The following EIF4B variants were observed in gnomAD, a reference collection of about 807,000 sequenced individuals.
EIF4B encodes eukaryotic translation initiation factor 4B.
In EIF4B, 8 loss-of-function variants were observed where a neutral mutation model predicts 79.3. The observed-to-expected ratio is 0.10, with a 90% CI of 0.06 to 0.18. The LOEUF (loss-of-function observed/expected upper bound fraction) is 0.18, where lower values mean the gene tolerates loss of function less well. Among genes scored for constraint, EIF4B ranks in the 10% least tolerant of loss-of-function variants. The pLI, the probability that EIF4B is intolerant of heterozygous loss-of-function variation, is 1.00. For synonymous variants in EIF4B, 238 were observed against 274.7 expected (o/e 0.87, Z 1.32); for missense variants, 515 against 792.4 (o/e 0.65, Z 4.20).
chr12:53,030,568 C>T (rs888382929), intron 8 of EIF4B, among the ~76,000 whole-genome samples: 1 of 151,058 alleles, frequency 6.6e-6, no homozygotes, highest in Non-Finnish European at 1.5e-5. Context: ...CTTGCCACCA[C>T]GCCCGGCTAA....
Position 53,028,108 on chromosome 12 carries a change from A to G in EIF4B, c.899A>G (p.Asp300Gly). Reference protein sequence around the residue: ...DYRGGGDRYEDRYDRRDDRSW... With the variant: ...DYRGGGDRYEGRYDRRDDRSW... ...AGAGGAGGCGGGGACCGCTATGAAGACCGATATGACAGACGGGATGATCGG... is the reference window on the plus strand; with the variant it reads ...AGAGGAGGCGGGGACCGCTATGAAGGCCGATATGACAGACGGGATGATCGG... The change falls in exon 8 of 15, where the codon GAC (aspartate) becomes GGC (glycine). Residue 300 changes from aspartate (D) to glycine (G), a missense_variant. Asp to Gly is a moderately conservative substitution (Grantham distance 94). Around this residue, in one of 6 missense-constraint regions of EIF4B, gnomAD observed 187 missense variants for 256.5 expected, o/e 0.73. Coordinates refer to ENST00000262056, the MANE Select transcript of EIF4B (RefSeq NM_001417.7). 6.2e-7 allele frequency: 1 copy of G among 1,614,036 alleles called. No individual in the cohort carries two copies. The highest frequency in any genetic ancestry group is 8.5e-7 in the Non-Finnish European group (1 of 1,179,986).
intron 10 of EIF4B, among the ~76,000 whole-genome samples, chr12:53,036,673 TG>T (rs1184193243): frequency 1.3e-5 from 2 of 152,076 alleles, no homozygotes; most frequent in Non-Finnish European, 2.9e-5. Flanking sequence ...AGCCTCCCAA[TG>T]GGGGCTCCTT....
At chr12:53,022,156 G>A in intron 5 of EIF4B, 1 of 664,264 alleles carries the variant, frequency 1.5e-6, no homozygotes, top group Admixed American at 2.3e-5. Flanking sequence ...AGATTGAGAA[G>A]ACTGATTGAT....
intron 1 of EIF4B, chr12:53,012,149 T>C (rs1943074722): frequency 6.6e-6 from 1 of 152,194 alleles, no homozygotes; most frequent in Non-Finnish European, 1.5e-5. Context: ...GATTTTGCTT[T>C]CCAAGGGCTA....
At chr12:53,013,329 C>G (rs1428388973) in intron 1 of EIF4B, among the ~76,000 whole-genome samples, 2 of 152,230 alleles carry the variant, frequency 1.3e-5, no homozygotes, top group Non-Finnish European at 2.9e-5. Context: ...GCTGATGGTA[C>G]TAGATTAAGC....
At chr12:53,019,437 A>ATTTT (rs1337954535) in intron 3 of EIF4B, among the ~76,000 whole-genome samples, 2 of 51,002 alleles carry the variant, frequency 3.9e-5, no homozygotes, top group African/African-American at 1.3e-4. Flanking sequence ...ATATATATAT[A>ATTTT]TTTTTTTTTT....
At chr12:53,011,889 A>C (rs1437979341) in intron 1 of EIF4B, among the ~76,000 whole-genome samples, 3 of 152,226 alleles carry the variant, frequency 2.0e-5, no homozygotes, top group African/African-American at 7.2e-5. Context: ...CTTTTTAACC[A>C]GTTCACATAA....
In EIF4B at chr12:53,028,120, G is replaced by C; in HGVS notation, c.911G>C (p.Arg304Thr). Residue 304 changes from arginine to threonine, a missense_variant, in exon 8 of 15, where the codon AGA becomes ACA. Physicochemically the swap from Arg to Thr is moderately conservative, Grantham distance 71. Around this residue, in one of 6 missense-constraint regions of EIF4B, gnomAD observed 187 missense variants for 256.5 expected, o/e 0.73. Coordinates refer to ENST00000262056, the MANE Select transcript of EIF4B (RefSeq NM_001417.7). The stretch of plus-strand genomic sequence containing the variant: ...GACCGCTATGAAGACCGATATGACA[G>C]ACGGGATGATCGGTCGTGGAGCTCC... ...GGDRYEDRYD[R>T]RDDRSWSSRD... The C allele has an allele frequency of 6.2e-7, 1 of 1,614,080 alleles. No individual in the cohort carries two copies. Among genetic ancestry groups the C allele is most frequent in the Non-Finnish European group, 8.5e-7 (1 of 1,179,990 alleles).
intron 9 of EIF4B, 44 bp downstream of exon 9, chr12:53,034,078 C>A (rs1325712431): frequency 1.8e-5 from 28 of 1,548,788 alleles, no homozygotes. Flanking sequence ...TCCGGTGGTT[C>A]GTAATGGGGG....
At chr12:53,013,054 A>G (rs6580924) in intron 1 of EIF4B, among the ~76,000 whole-genome samples, 92,495 of 152,172 alleles carry the variant, frequency 0.61, 34,450 homozygotes, top group Non-Finnish European at 0.85. Flanking sequence ...AATAACGTTA[A>G]AGAAGAAACT....
intron 6 of EIF4B, among the ~76,000 whole-genome samples, chr12:53,027,014 G>A (rs901372555): frequency 1.3e-5 from 2 of 151,814 alleles, no homozygotes; most frequent in African/African-American, 4.8e-5. Flanking sequence ...TTGAGGCTGG[G>A]TGTTACGGCT....
rs775708300 is a variant in EIF4B, at chr12:53,039,658, A to C, written c.1711A>C (p.Arg571=). 5.0e-6 allele frequency: 8 copies of C among 1,613,760 alleles called. No individual in the cohort carries two copies. The highest frequency in any genetic ancestry group is 6.8e-6 in the Non-Finnish European group (8 of 1,179,846). ...RKDGKKDQDS[R]SAPEPKKPEE... ...AGATGGCAAAAAGGATCAAGACTCC[A>C]GATCTGCACCTGAGCCAAAGAAACC... The change falls in exon 14 of 15, where the codon AGA becomes CGA. Residue 571 remains arginine (R), a synonymous_variant. Transcript: ENST00000262056.
chr12:53,023,522 C>T (rs981917350), intron 6 of EIF4B, among the ~76,000 whole-genome samples: 2 of 151,674 alleles, frequency 1.3e-5, no homozygotes, highest in African/African-American at 4.8e-5. Context: ...TGAGCCACTG[C>T]GCCTGGCCCA....
chr12:53,041,439 T>G lies in EIF4B; in HGVS notation c.*1216T>G, dbSNP rs1943636180. The stretch of plus-strand genomic sequence containing the variant: ...GGATTTTTCCCCCCAAGTTTCCTTC[T>G]CCACTGAAATGCCACACTAATGCTT... On this transcript the variant is annotated 3_prime_UTR_variant, in exon 15 of 15. Coordinates refer to ENST00000262056, the MANE Select transcript of EIF4B (RefSeq NM_001417.7). 3 of 152,096 alleles carry G rather than the reference T, an allele frequency of 2.0e-5. No homozygotes were observed. Among genetic ancestry groups the G allele is most frequent in the Admixed American group, 2.0e-4 (3 of 15,264 alleles). 9.4% of individuals were successfully genotyped at this position (152,096 alleles called of 1,614,324 possible).
chr12:53,016,858 G>A (rs965507451), intron 2 of EIF4B, among the ~76,000 whole-genome samples: 1 of 152,164 alleles, frequency 6.6e-6, no homozygotes, highest in African/African-American at 2.4e-5. Context: ...GACTTCTTAA[G>A]TTACTATTCT....
Position 53,037,914 on chromosome 12 carries a change from G to C in EIF4B, c.1520+292G>C. 1.9e-5 allele frequency: 8 copies of C among 411,902 alleles called. No homozygotes were observed. The South Asian group carries it at 2.5e-4, about 13-fold the overall frequency. The allele number at this position is 411,902 out of a possible 1,614,324, so 25.5% of individuals were successfully genotyped here. The stretch of plus-strand genomic sequence containing the variant: ...TTGCCACATATTGGCAGTATGGTAG[G>C]GGGTAACTTCCTTTCATTTCTCTTA... On this transcript the variant is annotated intron_variant, in intron 11 of 14. Transcript: ENST00000262056.
rs576709307 is a variant in EIF4B, at chr12:53,027,972, T to TC, written c.806-38dup. The TC allele has an allele frequency of 2.3e-3, 2,128 of 945,110 alleles. 24 individuals carry two copies. The African/African-American group carries it at 0.026, about 12-fold the overall frequency. 58.5% of individuals were successfully genotyped at this position (945,110 alleles called of 1,614,324 possible). A position where few individuals can be genotyped will look rare whatever the true frequency, so the allele number is the denominator to read the frequency against. On this transcript the variant is annotated intron_variant, in intron 7 of 14. Transcript: ENST00000262056. Reference sequence around the variant, plus strand: ...TTTCAGTAACTTTGCCTTTTTTTTTTCCCCCTCCGCTGTGATGATTATAAT... The same window carrying TC: ...TTTCAGTAACTTTGCCTTTTTTTTTTCCCCCCTCCGCTGTGATGATTATAAT...
At chr12:53,017,277 C>T (rs1473923039) in intron 2 of EIF4B, among the ~76,000 whole-genome samples, 1 of 150,254 alleles carries the variant, frequency 6.7e-6, no homozygotes, top group African/African-American at 2.4e-5. Context: ...AGTGATGTTT[C>T]AGTGTAATCT....
intron 8 of EIF4B, among the ~76,000 whole-genome samples, chr12:53,029,830 A>G (rs981761930): frequency 2.0e-5 from 3 of 152,178 alleles, no homozygotes; most frequent in Non-Finnish European, 2.9e-5. Context: ...CCATATGGCA[A>G]TTCTATTGCA....
Sources: gnomAD v4.1 joint callset for allele counts (sites outside exome capture counted in the v4.1 genomes callset) on GRCh38, gnomAD v4.1.1 for gene constraint, gnomAD v4.1.1 regional missense constraint, MANE v1.5 for transcripts, NCBI Gene and HGNC (gene_info 2026-07-23, HGNC 2026-07-21) for gene names.